The following PHACTR4 variants were observed in gnomAD, a reference collection of about 807,000 sequenced individuals.
PHACTR4 encodes phosphatase and actin regulator 4.
In PHACTR4, 51 loss-of-function variants were observed where a neutral mutation model predicts 72.7. That is an observed-to-expected ratio of 0.70 (90% CI 0.56 to 0.89). The LOEUF (loss-of-function observed/expected upper bound fraction) is 0.89, where lower values mean the gene tolerates loss of function less well. Among genes scored for constraint, PHACTR4 ranks in the 40% least tolerant of loss-of-function variants. PHACTR4 has a pLI of 0.00. For missense variants in PHACTR4, 731 were observed against 861.8 expected, an observed-to-expected ratio of 0.85 and a Z score of 1.90; for synonymous variants, 255 against 302.5, an observed-to-expected ratio of 0.84 and a Z score of 1.63.
intron 13 of PHACTR4, among the ~76,000 whole-genome samples, chr1:28,494,527 C>T (rs1023624314): frequency 6.6e-5 from 10 of 152,276 alleles, no homozygotes; most frequent in Admixed American, 6.5e-5. Context: ...GGTGGCATGC[C>T]TGTAGTCCCA....
chr1:28,451,810 T>G (rs550196066), intron 2 of PHACTR4, among the ~76,000 whole-genome samples: 126 of 151,914 alleles, frequency 8.3e-4, no homozygotes, highest in African/African-American at 2.6e-3. Context: ...TTGGCTAATT[T>G]TTTTTTTTTG....
At chr1:28,419,799 T>A (rs1035266152) in intron 2 of PHACTR4, among the ~76,000 whole-genome samples, 2 of 152,216 alleles carry the variant, frequency 1.3e-5, no homozygotes, top group Non-Finnish European at 2.9e-5. Context: ...TCTACCAAAT[T>A]GATTTAAAAA....
At chr1:28,458,144 GTGTGTGTGT>G (rs1658541611) in intron 2 of PHACTR4, among the ~76,000 whole-genome samples, 1 of 148,814 alleles carries the variant, frequency 6.7e-6, no homozygotes, top group Non-Finnish European at 1.5e-5. Flanking sequence ...GTGTGTGTGT[GTGTGTGTGT>G]GTGTTTGAGA....
chr1:28,487,688 C>T (rs1195416270), intron 9 of PHACTR4, among the ~76,000 whole-genome samples: 1 of 140,790 alleles, frequency 7.1e-6, no homozygotes, highest in Admixed American at 7.1e-5. Flanking sequence ...AAATGAATAA[C>T]TTTCTGATTT....
intron 1 of PHACTR4, among the ~76,000 whole-genome samples, chr1:28,403,311 A>G (rs562622353): frequency 4.3e-4 from 66 of 152,286 alleles, no homozygotes; most frequent in Admixed American, 1.5e-3. Context: ...ATGACCTTTT[A>G]GAGTTGTCTT....
intron 11 of PHACTR4, among the ~76,000 whole-genome samples, chr1:28,491,293 CA>C (rs202217458): frequency 2.7e-5 from 4 of 148,998 alleles, no homozygotes; most frequent in Non-Finnish European, 4.5e-5. Context: ...CCCACCTCTA[CA>C]AAAAAAAATA....
At chr1:28,457,918 GTTTT>G in intron 2 of PHACTR4, 1 of 764,778 alleles carries the variant, frequency 1.3e-6, no homozygotes, top group Non-Finnish European at 1.6e-6. Flanking sequence ...CTTCCTGCTG[GTTTT>G]TTTTTTTTTC....
At chr1:28,385,953 A>T (rs1175726313) in intron 1 of PHACTR4, among the ~76,000 whole-genome samples, 6 of 151,946 alleles carry the variant, frequency 3.9e-5, no homozygotes, top group Non-Finnish European at 1.5e-5. Context: ...TTCTAGTTTG[A>T]TTCCGCTGTG....
intron 9 of PHACTR4, among the ~76,000 whole-genome samples, chr1:28,483,107 G>T (rs1660384823): frequency 6.6e-6 from 1 of 151,144 alleles, no homozygotes; most frequent in Non-Finnish European, 1.5e-5. Flanking sequence ...TGACTACTTT[G>T]AAATTAAGGG....
chr1:28,424,465 A>G (rs1260781538), intron 2 of PHACTR4, among the ~76,000 whole-genome samples: 7 of 150,280 alleles, frequency 4.7e-5, no homozygotes, highest in Non-Finnish European at 7.4e-5. Context: ...CTGAAGAGCT[A>G]TTTTCATTTA....
At chr1:28,377,432 G>T (rs943324750) in intron 1 of PHACTR4, among the ~76,000 whole-genome samples, 26 of 150,744 alleles carry the variant, frequency 1.7e-4, no homozygotes, top group African/African-American at 6.3e-4. Flanking sequence ...TAGAGATGGG[G>T]TTTCACCATG....
At position 28,466,564 on chromosome 1, in the gene PHACTR4, G is replaced by A. The variant is rs750647174; in HGVS notation, c.619G>A (p.Ala207Thr). The change falls in exon 6 of 14, where the codon GCA becomes ACA. Residue 207 changes from alanine (A) to threonine (T), a missense_variant. By Grantham distance (58) the Ala-to-Thr change is moderately conservative. Transcript: ENST00000373839. ...CATCATCTCCACCTCCATCACCACA[G>A]CACCCGCTGCCACCACTGCTGCCAC... ...RFIISTSITT[A>T]PAATTAATSL... 1.9e-6 allele frequency: 3 copies of A among 1,614,034 alleles called. No individual in the cohort carries two copies. Among genetic ancestry groups the A allele is most frequent in the Non-Finnish European group, 2.5e-6 (3 of 1,179,998 alleles).
At position 28,474,012 on chromosome 1, in the gene PHACTR4, C is replaced by T. The variant is rs1659755901; in HGVS notation, c.1282C>T (p.Pro428Ser). 6.2e-7 allele frequency: 1 copy of T among 1,614,154 alleles called. No individual in the cohort carries two copies. Among genetic ancestry groups the T allele is most frequent in the Non-Finnish European group, 8.5e-7 (1 of 1,180,028 alleles). Reference protein sequence around the residue: ...HIRIQQALTSPLPMTPILEGS... With the variant: ...HIRIQQALTSSLPMTPILEGS... ...TCGAATCCAGCAGGCCCTCACCAGC[C>T]CACTTCCCATGACTCCTATTCTGGA... Residue 428 changes from proline to serine, a missense_variant, in exon 7 of 14, where the codon CCA (proline) becomes TCA (serine). Pro to Ser is a moderately conservative substitution (Grantham distance 74, BLOSUM62 -1). Coordinates refer to ENST00000373839, the MANE Select transcript of PHACTR4 (RefSeq NM_001048183.3).
At chr1:28,438,360 G>C in intron 2 of PHACTR4, 1 of 1,605,372 alleles carries the variant, frequency 6.2e-7, no homozygotes, top group Non-Finnish European at 8.5e-7. Flanking sequence ...GTTTGTTGTC[G>C]TGAGATACAT....
At chr1:28,428,109 G>A (rs777253605) in intron 2 of PHACTR4, among the ~76,000 whole-genome samples, 5 of 152,160 alleles carry the variant, frequency 3.3e-5, no homozygotes, top group Non-Finnish European at 5.9e-5. Flanking sequence ...GAAGGGACTT[G>A]GCAATGATTT....
intron 1 of PHACTR4, among the ~76,000 whole-genome samples, chr1:28,379,675 C>T (rs922104211): frequency 3.3e-5 from 5 of 151,290 alleles, no homozygotes; most frequent in East Asian, 1.9e-4. Context: ...GTGCCAGCTC[C>T]GCCTCCCGGG....
intron 1 of PHACTR4, among the ~76,000 whole-genome samples, chr1:28,400,727 G>A (rs776679671): frequency 6.6e-6 from 1 of 151,956 alleles, no homozygotes; most frequent in Non-Finnish European, 1.5e-5. Flanking sequence ...CTACAGGCGC[G>A]CGCCACCACG....
intron 1 of PHACTR4, among the ~76,000 whole-genome samples, chr1:28,375,235 G>T (rs1398945047): frequency 1.3e-5 from 2 of 152,072 alleles, no homozygotes; most frequent in Admixed American, 6.6e-5. Context: ...GGAGGCAGAG[G>T]TTGCAGTGAG....
intron 7 of PHACTR4, 129 bp from the exon 8 acceptor site, chr1:28,475,978 T>TC: frequency 1.2e-6 from 1 of 803,858 alleles, no homozygotes; most frequent in Non-Finnish European, 1.8e-6. Flanking sequence ...TTTGCCCACC[T>TC]CCATCTCCCA....
Sources: gnomAD v4.1 joint callset for allele counts (sites outside exome capture counted in the v4.1 genomes callset) on GRCh38, gnomAD v4.1.1 for gene constraint, MANE v1.5 for transcripts, NCBI Gene and HGNC (gene_info 2026-07-23, HGNC 2026-07-21) for gene names.